The following DENND3 variants were observed in gnomAD, a reference collection of about 807,000 sequenced individuals.
DENND3 encodes DENN domain-containing protein 3.
In DENND3, 88 loss-of-function variants were observed where a neutral mutation model predicts 135.1. The observed-to-expected ratio is 0.65, with a 90% confidence interval of 0.55 to 0.78. DENND3 has a LOEUF of 0.78. DENND3 is among the 30% of genes least tolerant of loss of function. DENND3 has a pLI of 0.00. For synonymous variants in DENND3, 693 were observed against 712.3 expected, an observed-to-expected ratio of 0.97 and a Z score of 0.43; for missense variants, 1,392 against 1,688.4, an observed-to-expected ratio of 0.82 and a Z score of 3.08.
Position 141,175,191 on chromosome 8 carries a change from C to A in DENND3, c.2276-9C>A. On this transcript the variant is annotated splice_polypyrimidine_tract_variant and intron_variant, in intron 13 of 22. Transcript: ENST00000519811. The surrounding 1 kb of genome is among the most constrained non-coding windows in gnomAD (Gnocchi z 5.4). Reference sequence around the variant, plus strand: ...TAAGATACCTCTCTTTTCTTCTTATCAAACTAAGGACAGGAGAAACAAATC... The same window carrying A: ...TAAGATACCTCTCTTTTCTTCTTATAAAACTAAGGACAGGAGAAACAAATC... 3 of 1,608,218 alleles carry A rather than the reference C, an allele frequency of 1.9e-6. No individual in the cohort carries two copies. The highest frequency in any genetic ancestry group is 1.7e-5 in the Admixed American group (1 of 59,146).
intron 4 of DENND3, chr8:141,142,050 T>C (rs191082151): frequency 2.7e-4 from 76 of 286,104 alleles, no homozygotes; most frequent in Admixed American, 5.6e-4. Flanking sequence ...TCATCTTGTT[T>C]TGTAGAATCT....
rs1418417290 is a variant in DENND3 at position 141,137,639 on chromosome 8, G to A, written c.386-383G>A. On this transcript the variant is annotated intron_variant, in intron 2 of 22. Coordinates refer to ENST00000519811, the MANE Select transcript of DENND3 (RefSeq NM_001352890.3). The surrounding 1 kb of genome is among the most constrained non-coding windows in gnomAD (Gnocchi z 4.1). The stretch of plus-strand genomic sequence containing the variant: ...ATTTTGGGGCGTTATTTTTCCTGTG[G>A]TCTTCAGGAATGTTAAAATGGCCGA... 1.3e-5 allele frequency among the ~76,000 whole-genome samples: 2 copies of A among 152,148 alleles called. No individual in the cohort carries two copies. Among genetic ancestry groups the A allele is most frequent in the East Asian group, 3.9e-4 (2 of 5,194 alleles).
intron 13 of DENND3, among the ~76,000 whole-genome samples, chr8:141,172,336 C>T (rs1012023571): frequency 1.3e-5 from 2 of 152,084 alleles, no homozygotes; most frequent in Non-Finnish European, 2.9e-5. Flanking sequence ...CACAGGCTGG[C>T]TGAGCACTGG....
chr8:141,173,811 C>T lies in DENND3; in HGVS notation c.2276-1389C>T, dbSNP rs1026646569. On this transcript the variant is annotated intron_variant, in intron 13 of 22. Coordinates refer to ENST00000519811, the MANE Select transcript of DENND3 (RefSeq NM_001352890.3). ...GCTCTGGGCAGACCGTCTGCCCAGCCTCACGGCCCAGGTCTGCTGGCAAAG... is the reference window on the plus strand; with the variant it reads ...GCTCTGGGCAGACCGTCTGCCCAGCTTCACGGCCCAGGTCTGCTGGCAAAG... 5.9e-5 allele frequency: 9 copies of T among 152,374 alleles called. No homozygotes were observed. In the South Asian group the frequency reaches 6.2e-4, roughly 11 times the overall value. 9.4% of individuals were successfully genotyped at this position (152,374 alleles called of 1,614,324 possible). A position where few individuals can be genotyped will look rare whatever the true frequency, so the allele number is the denominator to read the frequency against.
chr8:141,165,811 T>C (rs1375856238), intron 11 of DENND3, among the ~76,000 whole-genome samples: 1 of 152,174 alleles, frequency 6.6e-6, no homozygotes, highest in East Asian at 1.9e-4. Flanking sequence ...GATGTTAGCA[T>C]GCTCCCCGTG....
At chr8:141,171,535 G>A (rs1418447559) in intron 13 of DENND3, among the ~76,000 whole-genome samples, 1 of 152,226 alleles carries the variant, frequency 6.6e-6, no homozygotes, top group Non-Finnish European at 1.5e-5. Flanking sequence ...TGTGGGTGAC[G>A]AGAGAGAGGT....
In DENND3 at chr8:141,154,367, C is replaced by G. The variant is rs188175127; in HGVS notation, c.1075-1482C>G. Among the ~76,000 whole-genome samples, 1 of 152,224 alleles carries G rather than the reference C, an allele frequency of 6.6e-6. No individual in the cohort carries two copies. The highest frequency in any genetic ancestry group is 1.5e-5 in the Non-Finnish European group (1 of 68,004). ...GGCTACGCGGTCTCTTAGCCCAGGC[C>G]CCTGCCCATGCTCTGGTGCTTGGAG... On this transcript the variant is annotated intron_variant, in intron 7 of 22. Coordinates refer to ENST00000519811, the MANE Select transcript of DENND3 (RefSeq NM_001352890.3). This position sits in a 1 kb window ranked among gnomAD's most constrained non-coding sequence, Gnocchi z 4.4.
rs1815864963 is a variant in DENND3, at chr8:141,130,338, G to A, written c.102+1529G>A. Reference sequence around the variant, plus strand: ...TCCCGCCTCAGCCTTTCAAAGTGCTGGGATTACAGGCGTGAGCCACTGCGC... The same window carrying A: ...TCCCGCCTCAGCCTTTCAAAGTGCTAGGATTACAGGCGTGAGCCACTGCGC... On this transcript the variant is annotated intron_variant, in intron 1 of 22. Coordinates refer to ENST00000519811, the MANE Select transcript of DENND3 (RefSeq NM_001352890.3). The surrounding 1 kb of genome is among the most constrained non-coding windows in gnomAD (Gnocchi z 4.2). Among the ~76,000 whole-genome samples, 1 of 152,126 alleles carries A rather than the reference G, an allele frequency of 6.6e-6. No homozygotes were observed. Among genetic ancestry groups the A allele is most frequent in the Non-Finnish European group, 1.5e-5 (1 of 68,024 alleles).
At position 141,167,904 on chromosome 8, in the gene DENND3, A is replaced by T. The variant is rs1821013582; in HGVS notation, c.1754-100A>T. The T allele has an allele frequency of 6.7e-7, 1 of 1,482,142 alleles. No individual in the cohort carries two copies. Among genetic ancestry groups the T allele is most frequent in the Non-Finnish European group, 9.1e-7 (1 of 1,100,210 alleles). The allele number at this position is 1,482,142 out of a possible 1,614,324, so 91.8% of individuals were successfully genotyped here. On this transcript the variant is annotated intron_variant, in intron 12 of 22. Coordinates refer to ENST00000519811, the MANE Select transcript of DENND3 (RefSeq NM_001352890.3). The surrounding 1 kb of genome is among the most constrained non-coding windows in gnomAD (Gnocchi z 4.1). ...CACACCCATTCTCATTTTATTTTGCATCCAGAGAAACATTGTCCTTGACAA... is the reference window on the plus strand; with the variant it reads ...CACACCCATTCTCATTTTATTTTGCTTCCAGAGAAACATTGTCCTTGACAA...
At chr8:141,171,788 G>A (rs1821603050) in intron 13 of DENND3, among the ~76,000 whole-genome samples, 1 of 152,016 alleles carries the variant, frequency 6.6e-6, no homozygotes, top group South Asian at 2.1e-4. Flanking sequence ...CAAAGTAGTG[G>A]GTGTGCACGG....
rs777091716 is a variant in DENND3, at chr8:141,160,669, G to A, written c.1234G>A (p.Ala412Thr). 10 of 1,611,516 alleles carry A rather than the reference G, an allele frequency of 6.2e-6. No individual in the cohort carries two copies. Among genetic ancestry groups the A allele is most frequent in the South Asian group, 2.2e-5 (2 of 90,968 alleles). ...CCAGCTCCACCATGAGCTGCACGCC[G>A]CCCACCTCCTCTCCAGCACAGACCT... ...SLQLHHELHA[A>T]HLLSSTDLKE... Residue 412 changes from alanine to threonine, a missense_variant, in exon 9 of 23, where the codon GCC becomes ACC. By Grantham distance (58) the Ala-to-Thr change is moderately conservative. Transcript: ENST00000519811.
rs186628591 is a variant in DENND3, at chr8:141,130,610, A to G, written c.102+1801A>G. On this transcript the variant is annotated intron_variant, in intron 1 of 22. Transcript: ENST00000519811. The surrounding 1 kb of genome is among the most constrained non-coding windows in gnomAD (Gnocchi z 4.2). Reference sequence around the variant, plus strand: ...TACTTTTAAGGTCAATATTAATGTTATAGTTAACCAAACATATGATTTTAT... The same window carrying G: ...TACTTTTAAGGTCAATATTAATGTTGTAGTTAACCAAACATATGATTTTAT... Among the ~76,000 whole-genome samples the G allele has an allele frequency of 5.9e-5, 9 of 152,142 alleles. No individual in the cohort carries two copies. The East Asian group carries it at 1.5e-3, about 26-fold the overall frequency.
intron 7 of DENND3, among the ~76,000 whole-genome samples, chr8:141,152,205 A>G (rs1006302610): frequency 6.6e-6 from 1 of 152,262 alleles, no homozygotes; most frequent in East Asian, 1.9e-4. Flanking sequence ...TTTGTGCTAA[A>G]TATTGCAATG....
rs111789349 is a variant in DENND3 at position 141,175,624 on chromosome 8, A to G, written c.2535+165A>G. 1,339 of 979,402 alleles carry G rather than the reference A, an allele frequency of 1.4e-3. 12 individuals carry two copies. The African/African-American group carries it at 0.02, about 14-fold the overall frequency. 60.7% of individuals were successfully genotyped at this position (979,402 alleles called of 1,614,324 possible). A position where few individuals can be genotyped will look rare whatever the true frequency, so the allele number is the denominator to read the frequency against. On this transcript the variant is annotated intron_variant, in intron 14 of 22. Coordinates refer to ENST00000519811, the MANE Select transcript of DENND3 (RefSeq NM_001352890.3). This position sits in a 1 kb window ranked among gnomAD's most constrained non-coding sequence, Gnocchi z 5.4. ...CAGTTTGCTCATCTGTAAAGTAGGAATAAGGCTGATACCTTCTCAGTGGGT... is the reference window on the plus strand; with the variant it reads ...CAGTTTGCTCATCTGTAAAGTAGGAGTAAGGCTGATACCTTCTCAGTGGGT...
In DENND3 at chr8:141,144,694, C is replaced by T. The variant is rs1270863545; in HGVS notation, c.735+435C>T. ...CAGACACGCCTTGTTATGCCCGCTC[C>T]CTTTTGGAGTTTAGGCACAGCTGAC... On this transcript the variant is annotated intron_variant, in intron 5 of 22. Transcript: ENST00000519811. This position sits in a 1 kb window ranked among gnomAD's most constrained non-coding sequence, Gnocchi z 4.4. Among the ~76,000 whole-genome samples, 2 of 152,130 alleles carry T rather than the reference C, an allele frequency of 1.3e-5. No homozygotes were observed. The highest frequency in any genetic ancestry group is 6.6e-5 in the Admixed American group (1 of 15,258).
chr8:141,192,565 G>T lies in DENND3; in HGVS notation c.3538G>T (p.Val1180Phe), dbSNP rs61741256. The change falls in exon 22 of 23, where the codon GTT (valine) becomes TTT (phenylalanine). Residue 1180 changes from valine (V) to phenylalanine (F), a missense_variant. Transcript: ENST00000519811. ...LWAACAGRSE[V>F]YIWSLKDLAQ... ...GGCGGCCTGTGCAGGACGCAGCGAGGTTTACATCTGGAGCCTGAAGGACCT... is the reference window on the plus strand; with the variant it reads ...GGCGGCCTGTGCAGGACGCAGCGAGTTTTACATCTGGAGCCTGAAGGACCT... 2 of 1,581,416 alleles carry T rather than the reference G, an allele frequency of 1.3e-6. No homozygotes were observed. Among genetic ancestry groups the T allele is most frequent in the East Asian group, 2.2e-5 (1 of 44,512 alleles).
chr8:141,142,360 A>T, intron 4 of DENND3: 1 of 456,898 alleles, frequency 2.2e-6, no homozygotes, highest in Non-Finnish European at 4.4e-6. Context: ...AGAATGAGCC[A>T]CGGCAAATCG....
At position 141,151,652 on chromosome 8, in the gene DENND3, GTCT is replaced by G. The variant is rs772415482; in HGVS notation, c.896_898del (p.Phe299del). On this transcript the variant is annotated inframe_deletion, in exon 7 of 23. Coordinates refer to ENST00000519811, the MANE Select transcript of DENND3 (RefSeq NM_001352890.3). Reference sequence around the variant, plus strand: ...ATGCATCCTGACGGAACAGCGGATCGTCTTCTTCTCCTCGGACTGGGCTCTGCT... The same window carrying G: ...ATGCATCCTGACGGAACAGCGGATCGTCTTCTCCTCGGACTGGGCTCTGCT... 1.2e-5 allele frequency: 19 copies of G among 1,613,780 alleles called. No individual in the cohort carries two copies. The highest frequency in any genetic ancestry group is 4.5e-5 in the East Asian group (2 of 44,886).
At chr8:141,159,433 G>A (rs577904923) in intron 8 of DENND3, among the ~76,000 whole-genome samples, 170 of 152,300 alleles carry the variant, frequency 1.1e-3, no homozygotes, top group Non-Finnish European at 1.9e-3. Context: ...TCACATCTCC[G>A]GTTCCAGGTC....
Sources: gnomAD v4.1 joint callset for allele counts (sites outside exome capture counted in the v4.1 genomes callset) on GRCh38, gnomAD v4.1.1 for gene constraint, Gnocchi (gnomAD v3.1) non-coding constraint, MANE v1.5 for transcripts, NCBI Gene and HGNC (gene_info 2026-07-23, HGNC 2026-07-21) for gene names.